Variants in TUNAR observed in about 807,000 individuals in gnomAD.
TUNAR encodes transmembrane neural differentiation associated intracellular calcium regulator.
chr14:95,917,288 A>G (rs1889620099), intron 2 of TUNAR, among the ~76,000 whole-genome samples: 1 of 152,168 alleles, frequency 6.6e-6, no homozygotes, highest in African/African-American at 2.4e-5. Context: ...GTATTCCAAC[A>G]CTGCTCATCA....
At chr14:95,892,580 T>A (rs1415200499) in intron 2 of TUNAR, among the ~76,000 whole-genome samples, 1 of 152,240 alleles carries the variant, frequency 6.6e-6, no homozygotes, top group African/African-American at 2.4e-5. Flanking sequence ...ACATTCGAGC[T>A]GGCCTGATTC....
chr14:95,914,824 C>T (rs1889575822), intron 2 of TUNAR, among the ~76,000 whole-genome samples: 1 of 152,130 alleles, frequency 6.6e-6, no homozygotes, highest in South Asian at 2.1e-4. Context: ...CAGCTTGCCC[C>T]AGTCACATAG....
intron 2 of TUNAR, among the ~76,000 whole-genome samples, chr14:95,897,313 C>T (rs902447255): frequency 3.9e-5 from 6 of 152,212 alleles, no homozygotes; most frequent in South Asian, 2.1e-4. Context: ...TTCTCCTCCT[C>T]TCAGTTTCAT....
At chr14:95,922,993 C>T (rs1889721141) in exon 3 of TUNAR, 1 of 398,974 alleles carries the variant, frequency 2.5e-6, no homozygotes, top group Admixed American at 4.4e-5. Context: ...TCAGAGGCCT[C>T]AGAATGGCCA....
At chr14:95,891,141 T>C (rs1889174125) in intron 2 of TUNAR, among the ~76,000 whole-genome samples, 1 of 152,242 alleles carries the variant, frequency 6.6e-6, no homozygotes, top group Non-Finnish European at 1.5e-5. Context: ...GCAAACACTT[T>C]TAATTAGAGC....
chr14:95,880,727 G>A (rs1465978057), intron 2 of TUNAR, among the ~76,000 whole-genome samples: 4 of 152,206 alleles, frequency 2.6e-5, no homozygotes, highest in Non-Finnish European at 5.9e-5. Context: ...TGTCAGTTTG[G>A]CAGTGGTATT....
intron 2 of TUNAR, among the ~76,000 whole-genome samples, chr14:95,881,465 T>C (rs1888976452): frequency 6.6e-6 from 1 of 152,146 alleles, no homozygotes; most frequent in Admixed American, 6.5e-5. Context: ...ACAATAAAAG[T>C]TATGTAACAG....
At chr14:95,876,517 A>C (rs1366512951) in exon 1 of TUNAR, 1 of 152,288 alleles carries the variant, frequency 6.6e-6, no homozygotes, top group African/African-American at 2.4e-5. Context: ...CGACGCCGCC[A>C]GCCCCTTCCT....
chr14:95,888,694 G>A (rs181006237), intron 2 of TUNAR, among the ~76,000 whole-genome samples: 7 of 152,200 alleles, frequency 4.6e-5, no homozygotes, highest in Non-Finnish European at 7.3e-5. Flanking sequence ...GTTGTAGTGC[G>A]TGGGGGTGTC....
chr14:95,905,246 TAACTC>T (rs1426468490), intron 2 of TUNAR, among the ~76,000 whole-genome samples: 1 of 152,186 alleles, frequency 6.6e-6, no homozygotes, highest in Non-Finnish European at 1.5e-5. Context: ...GTAATACTAT[TAACTC>T]AATTGCACAC....
intron 2 of TUNAR, among the ~76,000 whole-genome samples, chr14:95,903,487 A>C (rs1409735162): frequency 1.3e-5 from 2 of 152,232 alleles, no homozygotes; most frequent in Non-Finnish European, 2.9e-5. Context: ...CACAGATCAC[A>C]AATGAGCATT....
chr14:95,915,882 G>C (rs1056953141), intron 2 of TUNAR, among the ~76,000 whole-genome samples: 3 of 152,182 alleles, frequency 2.0e-5, no homozygotes, highest in African/African-American at 7.2e-5. Context: ...GCACAGTAGG[G>C]GTGCTGATGA....
At chr14:95,884,163 A>G (rs1348935537) in intron 2 of TUNAR, among the ~76,000 whole-genome samples, 1 of 152,152 alleles carries the variant, frequency 6.6e-6, no homozygotes, top group East Asian at 1.9e-4. Context: ...CCCGTATGGT[A>G]GCCAGAGTGA....
chr14:95,894,850 A>C (rs1889236466), intron 2 of TUNAR, among the ~76,000 whole-genome samples: 1 of 150,192 alleles, frequency 6.7e-6, no homozygotes, highest in African/African-American at 2.5e-5. Flanking sequence ...GTTGCAGTGA[A>C]GGAGAGAGTG....
intron 2 of TUNAR, among the ~76,000 whole-genome samples, chr14:95,883,537 T>C (rs1407878220): frequency 6.6e-6 from 1 of 152,246 alleles, no homozygotes; most frequent in Non-Finnish European, 1.5e-5. Flanking sequence ...CTGTAGTGTG[T>C]CATAGGCTGC....
intron 2 of TUNAR, among the ~76,000 whole-genome samples, chr14:95,883,103 A>G (rs1169222538): frequency 6.6e-6 from 1 of 152,264 alleles, no homozygotes; most frequent in African/African-American, 2.4e-5. Flanking sequence ...CTAAAGGTAG[A>G]CGTGAAAACC....
At chr14:95,904,539 C>T (rs1393290480) in intron 2 of TUNAR, among the ~76,000 whole-genome samples, 1 of 152,180 alleles carries the variant, frequency 6.6e-6, no homozygotes, top group Admixed American at 6.5e-5. Flanking sequence ...CAGCCCAGGC[C>T]AGGGTCACCA....
At chr14:95,887,116 A>G (rs1889090439) in intron 2 of TUNAR, among the ~76,000 whole-genome samples, 1 of 152,162 alleles carries the variant, frequency 6.6e-6, no homozygotes, top group Non-Finnish European at 1.5e-5. Flanking sequence ...GGCTCCTGAA[A>G]CGCACCATCA....
At chr14:95,889,959 CAAA>C (rs535897006) in intron 2 of TUNAR, among the ~76,000 whole-genome samples, 3 of 92,200 alleles carry the variant, frequency 3.3e-5, no homozygotes, top group Admixed American at 1.3e-4. Context: ...GACACAAAGA[CAAA>C]AAAAAAAAAA....
Sources: allele counts gnomAD v4.1 joint callset (sites outside exome capture counted in the v4.1 genomes callset), GRCh38; gene constraint gnomAD v4.1.1; transcripts MANE v1.5; gene names NCBI Gene and HGNC (gene_info 2026-07-23, HGNC 2026-07-21).